KLHL33: variants seen among roughly 807,000 people sequenced by gnomAD.
KLHL33 encodes the protein kelch-like protein 33.
In KLHL33, 46 loss-of-function variants were observed where a neutral mutation model predicts 60.8. That is an observed-to-expected ratio of 0.76 (90% CI 0.60 to 0.97). The LOEUF is 0.97. KLHL33 is among the 50% of genes least tolerant of loss of function. The pLI is 0.00. For synonymous variants in KLHL33, 434 were observed against 432.2 expected, an observed-to-expected ratio of 1.00 and a Z score of -0.05; for missense variants, 1,055 against 1,000.0, an observed-to-expected ratio of 1.05 and a Z score of -0.74.
At chr14:20,431,304 T>C (rs761143607) in intron 2 of KLHL33, among the ~76,000 whole-genome samples, 3 of 152,258 alleles carry the variant, frequency 2.0e-5, no homozygotes, top group Non-Finnish European at 2.9e-5. Context: ...TAAGATTTAG[T>C]GTTTAATGTT....
At position 20,429,225 on chromosome 14, in the gene KLHL33, G is replaced by T; in HGVS notation, c.2018C>A (p.Ala673Asp). The part of the protein sequence containing the change: ...TFLSPMGVPR[A>D]GHVMAALGGR... ...ACCCAATGCAGCCATGACATGGCCA[G>T]CCCGAGGTACCCCCATAGGGCTCAG... Residue 673 changes from alanine to aspartate, a missense_variant, in exon 5 of 5, where the codon GCT (alanine) becomes GAT (aspartate). Coordinates refer to ENST00000636854, the MANE Select transcript of KLHL33 (RefSeq NM_001365790.2). 1 of 1,551,774 alleles carries T rather than the reference G, an allele frequency of 6.4e-7. No homozygotes were observed.
At chr14:20,432,619 A>C (rs1880542509) in intron 2 of KLHL33, among the ~76,000 whole-genome samples, 1 of 152,046 alleles carries the variant, frequency 6.6e-6, no homozygotes, top group Non-Finnish European at 1.5e-5. Flanking sequence ...AATGTGGACT[A>C]GGTGATATTA....
At position 20,429,627 on chromosome 14, in the gene KLHL33, C is replaced by A. The variant is rs912746562; in HGVS notation, c.1716G>T (p.Leu572Phe). The change falls in exon 4 of 5, where the codon TTG (leucine) becomes TTT (phenylalanine). Residue 572 changes from leucine to phenylalanine, a missense_variant. Physicochemically the swap from Leu to Phe is conservative, Grantham distance 22 (BLOSUM62 0). Coordinates refer to ENST00000636854, the MANE Select transcript of KLHL33 (RefSeq NM_001365790.2). ...AGGAGAAAAGGCTTCGAGCCTGGGA[C>A]AAAGGAGCCATCTCCTCCCAGTCCT... ...SQEDWEEMAP[L>F]SQARSLFSLV... The A allele has an allele frequency of 1.3e-6, 2 of 1,551,712 alleles. No individual in the cohort carries two copies. Among genetic ancestry groups the A allele is most frequent in the African/African-American group, 2.7e-5 (2 of 73,016 alleles).
intron 3 of KLHL33, 35 bp downstream of exon 3, chr14:20,429,760 C>G (rs1285348983): frequency 1.3e-6 from 2 of 1,520,442 alleles, no homozygotes; most frequent in African/African-American, 2.8e-5. Context: ...CACCTTAGGG[C>G]CTGCCACACC....
chr14:20,434,110 C>T (rs1029717325), intron 2 of KLHL33, among the ~76,000 whole-genome samples: 3 of 152,162 alleles, frequency 2.0e-5, no homozygotes, highest in Non-Finnish European at 2.9e-5. Context: ...ACCTCACCAG[C>T]TTTCAGTAAA....
Position 20,430,414 on chromosome 14 carries a change from C to T in KLHL33, c.1054G>A (p.Glu352Lys). The change falls in exon 3 of 5, where the codon GAG becomes AAG. Residue 352 changes from glutamate (E) to lysine (K), a missense_variant. Physicochemically the swap from Glu to Lys is moderately conservative, Grantham distance 56 (BLOSUM62 1). Transcript: ENST00000636854. ...TGACGGGCTTTGCTCCAGAGCCTCT[C>T]CAACCCAGGGGCTTCCGCCATGGGG... is the stretch of plus-strand genomic sequence containing the variant. ...LFPMAEAPGL[E>K]RLWSKARHYL... 4 of 1,551,778 alleles carry T rather than the reference C, an allele frequency of 2.6e-6. 1 individual carries two copies. The South Asian group carries it at 4.8e-5, about 18-fold the overall frequency.
rs1330577967 is a variant in KLHL33, at chr14:20,428,446, T to C, written c.*403A>G. 1 of 184,004 alleles carries C rather than the reference T, an allele frequency of 5.4e-6. No homozygotes were observed. Among genetic ancestry groups the C allele is most frequent in the Non-Finnish European group, 1.1e-5 (1 of 87,336 alleles). The allele number at this position is 184,004 out of a possible 1,614,324, so 11.4% of individuals were successfully genotyped here. ...CCTTACTCCTACACTCCTCAAACTC[T>C]TTCATGGATGGCCATTCCACATTTT... On this transcript the variant is annotated 3_prime_UTR_variant, in exon 5 of 5. Transcript: ENST00000636854.
In KLHL33 at chr14:20,428,961, A is replaced by T; in HGVS notation, c.2282T>A (p.Leu761Gln). 1 of 1,551,754 alleles carries T rather than the reference A, an allele frequency of 6.4e-7. No homozygotes were observed. The highest frequency in any genetic ancestry group is 2.4e-5 in the East Asian group (1 of 40,930). ...YCPGLGRWLC[L>Q]GTLPRPRAEM... ...AGCCCGAGGCCTTGGCAGAGTTCCCAGGCAGAGCCATCGGCCCAGGCCAGG... is the reference window on the plus strand; with the variant it reads ...AGCCCGAGGCCTTGGCAGAGTTCCCTGGCAGAGCCATCGGCCCAGGCCAGG... Residue 761 changes from leucine (L) to glutamine (Q), a missense_variant, in exon 5 of 5, where the codon CTG becomes CAG. Leu to Gln is a moderately radical substitution (Grantham distance 113, BLOSUM62 -2). Coordinates refer to ENST00000636854, the MANE Select transcript of KLHL33 (RefSeq NM_001365790.2).
chr14:20,427,568 C>T lies in KLHL33; in HGVS notation c.*1281G>A, dbSNP rs930517663. 14 of 152,226 alleles carry T rather than the reference C, an allele frequency of 9.2e-5. No homozygotes were observed. Among genetic ancestry groups the T allele is most frequent in the East Asian group, 3.9e-4 (2 of 5,192 alleles). 9.4% of individuals were successfully genotyped at this position (152,226 alleles called of 1,614,324 possible). A position where few individuals can be genotyped will look rare whatever the true frequency, so the allele number is the denominator to read the frequency against. The stretch of plus-strand genomic sequence containing the variant: ...AAGATCCAGTTCAAAATACACCCAT[C>T]GGATGACACCTTTCCTAACAGAAGC... On this transcript the variant is annotated 3_prime_UTR_variant, in exon 5 of 5. Transcript: ENST00000636854.
rs1396277649 is a variant in KLHL33 at position 20,429,548 on chromosome 14, C to T, written c.1795G>A (p.Ala599Thr). Residue 599 changes from alanine (A) to threonine (T), a missense_variant, in exon 4 of 5, where the codon GCC becomes ACC. Ala to Thr is a moderately conservative substitution (Grantham distance 58). Transcript: ENST00000636854. The stretch of plus-strand genomic sequence containing the variant: ...TTGTAGGTCTCCACAGAGTCCAGGG[C>T]AACATCATTGTGTCTTCCACCCAGG... ...YALGGRHNDV[A>T]LDSVETYNPE... is the part of the protein sequence containing the mutation. 1.3e-6 allele frequency: 2 copies of T among 1,552,130 alleles called. No homozygotes were observed. The highest frequency in any genetic ancestry group is 1.7e-6 in the Non-Finnish European group (2 of 1,147,126).
In KLHL33 at chr14:20,435,760, GA is replaced by G; in HGVS notation, c.51del (p.His18IlefsTer55). The G allele has an allele frequency of 4.9e-6, 6 of 1,234,380 alleles. No homozygotes were observed. The highest frequency in any genetic ancestry group is 6.1e-6 in the Non-Finnish European group (6 of 988,172). The allele number at this position is 1,234,380 out of a possible 1,614,324, so 76.5% of individuals were successfully genotyped here. A position where few individuals can be genotyped will look rare whatever the true frequency, so the allele number is the denominator to read the frequency against. On this transcript the variant is annotated frameshift_variant, in exon 2 of 5. Transcript: ENST00000636854. LOFTEE classifies it high-confidence loss of function. ...PHYPPELESVSHPVQRDCLGL... is the reference protein window; with the variant it reads ...PHYPPELESVXHPVQRDCLGL... ...CCAAGGCAGTCCCTCTGGACGGGAT[GA>G]GAGACACTCTCCAGCTCAGGGGGAT...
In KLHL33 at chr14:20,429,569, C is replaced by A. The variant is rs1024320890; in HGVS notation, c.1774G>T (p.Gly592Cys). Residue 592 changes from glycine to cysteine, a missense_variant, in exon 4 of 5, where the codon GGT (glycine) becomes TGT (cysteine). Gly to Cys is a radical substitution (Grantham distance 159). Transcript: ENST00000636854. The stretch of plus-strand genomic sequence containing the variant: ...AGGGCAACATCATTGTGTCTTCCAC[C>A]CAGGGCATAAAGTTTTCCATCCAGT... Reference protein sequence around the residue: ...VALDGKLYALGGRHNDVALDS... With the variant: ...VALDGKLYALCGRHNDVALDS... 24 of 1,552,074 alleles carry A rather than the reference C, an allele frequency of 1.5e-5. No homozygotes were observed. Among genetic ancestry groups the A allele is most frequent in the Non-Finnish European group, 2.1e-5 (24 of 1,147,132 alleles).
chr14:20,426,324 A>C lies in KLHL33; in HGVS notation c.*2525T>G, dbSNP rs7158094. 0.56 allele frequency: 85,459 copies of C among 151,540 alleles called. 24,183 individuals carry two copies. The highest frequency in any genetic ancestry group is 0.67 in the South Asian group (3,186 of 4,778). The allele number at this position is 151,540 out of a possible 1,614,324, so 9.4% of individuals were successfully genotyped here. A position where few individuals can be genotyped will look rare whatever the true frequency, so the allele number is the denominator to read the frequency against. On this transcript the variant is annotated 3_prime_UTR_variant, in exon 5 of 5. Coordinates refer to ENST00000636854, the MANE Select transcript of KLHL33 (RefSeq NM_001365790.2). ...CAAGACCAGCCTGACCAACATGGAG[A>C]AACCCCGTCTCTACTAAAAATACAA... is the stretch of plus-strand genomic sequence containing the variant.
chr14:20,429,182 T>C lies in KLHL33; in HGVS notation c.2061A>G (p.Ala687=), dbSNP rs936450826. 1.3e-6 allele frequency: 2 copies of C among 1,551,628 alleles called. No individual in the cohort carries two copies. The highest frequency in any genetic ancestry group is 8.7e-7 in the Non-Finnish European group (1 of 1,146,956). Reference sequence around the variant, plus strand: ...GGTCCTCAGTCTCACCCAGCCCACCTGCCACATACAACCTCCCACCCAATG... The same window carrying C: ...GGTCCTCAGTCTCACCCAGCCCACCCGCCACATACAACCTCCCACCCAATG... The part of the protein sequence containing the change: ...MAALGGRLYV[A]GGLGETEDLL... Residue 687 remains alanine (A), a synonymous_variant, in exon 5 of 5, where the codon GCA becomes GCG. Coordinates refer to ENST00000636854, the MANE Select transcript of KLHL33 (RefSeq NM_001365790.2).
In KLHL33 at chr14:20,429,589, T is replaced by C. The variant is rs1280612092; in HGVS notation, c.1754A>G (p.Asp585Gly). ...TCCACCCAGGGCATAAAGTTTTCCA[T>C]CCAGTGCCACCAAGGAGAAAAGGCT... Reference protein sequence around the residue: ...ARSLFSLVALDGKLYALGGRH... With the variant: ...ARSLFSLVALGGKLYALGGRH... Residue 585 changes from aspartate to glycine, a missense_variant, in exon 4 of 5, where the codon GAT becomes GGT. By Grantham distance (94) the Asp-to-Gly change is moderately conservative. Coordinates refer to ENST00000636854, the MANE Select transcript of KLHL33 (RefSeq NM_001365790.2). 2 of 1,552,052 alleles carry C rather than the reference T, an allele frequency of 1.3e-6. No individual in the cohort carries two copies. Among genetic ancestry groups the C allele is most frequent in the Admixed American group, 2.0e-5 (1 of 50,996 alleles).
In KLHL33 at chr14:20,430,594, C is replaced by A; in HGVS notation, c.874G>T (p.Val292Phe). The change falls in exon 3 of 5, where the codon GTC becomes TTC. Residue 292 changes from valine (V) to phenylalanine (F), a missense_variant. Physicochemically the swap from Val to Phe is conservative, Grantham distance 50. Transcript: ENST00000636854. ...TISTQDLRLLVSFAYSGVVRA... is the reference protein window; with the variant it reads ...TISTQDLRLLFSFAYSGVVRA... ...ACAACTCCGGAGTAAGCAAAAGAGA[C>A]GAGGAGTCGCAGGTCCTGGGTGGAG... The A allele has an allele frequency of 1.3e-6, 2 of 1,537,316 alleles. No homozygotes were observed. The highest frequency in any genetic ancestry group is 1.2e-5 in the South Asian group (1 of 84,042).
rs1880281216 is a variant in KLHL33 at position 20,426,635 on chromosome 14, G to A, written c.*2214C>T. 1 of 151,902 alleles carries A rather than the reference G, an allele frequency of 6.6e-6. No individual in the cohort carries two copies. Among genetic ancestry groups the A allele is most frequent in the Non-Finnish European group, 1.5e-5 (1 of 67,924 alleles). The allele number at this position is 151,902 out of a possible 1,614,324, so 9.4% of individuals were successfully genotyped here. A position where few individuals can be genotyped will look rare whatever the true frequency, so the allele number is the denominator to read the frequency against. On this transcript the variant is annotated 3_prime_UTR_variant, in exon 5 of 5. Coordinates refer to ENST00000636854, the MANE Select transcript of KLHL33 (RefSeq NM_001365790.2). ...GGAAGTCAGTGTGGCGATTCCTCAGGGACCTAGAACTAGAAATACCATTTG... is the reference window on the plus strand; with the variant it reads ...GGAAGTCAGTGTGGCGATTCCTCAGAGACCTAGAACTAGAAATACCATTTG...
At position 20,428,912 on chromosome 14, in the gene KLHL33, T is replaced by C. The variant is rs749875455; in HGVS notation, c.2331A>G (p.Thr777=). The C allele has an allele frequency of 1.3e-6, 2 of 1,551,756 alleles. No individual in the cohort carries two copies. The highest frequency in any genetic ancestry group is 2.4e-5 in the East Asian group (1 of 40,922). The change falls in exon 5 of 5, where the codon ACA becomes ACG. Residue 777 remains threonine, a synonymous_variant. Transcript: ENST00000636854. ...PRAEMPACIL[T]LPAVQHIALV... ...AAGCTATGTGCTGCACAGCGGGCAGTGTCAGGATGCAGGCAGGCATCTCAG... is the reference window on the plus strand; with the variant it reads ...AAGCTATGTGCTGCACAGCGGGCAGCGTCAGGATGCAGGCAGGCATCTCAG...
At position 20,429,517 on chromosome 14, in the gene KLHL33, T is replaced by C. The variant is rs1953225; in HGVS notation, c.1826A>G (p.Glu609Gly). ...GCCTGCTTACCTCCAGACATTGAGC[T>C]CAGGGTTGTAGGTCTCCACAGAGTC... ...ALDSVETYNPELNVWRPAPAL... is the reference protein window; with the variant it reads ...ALDSVETYNPGLNVWRPAPAL... Residue 609 changes from glutamate to glycine, a missense_variant, in exon 4 of 5, where the codon GAG becomes GGG. Physicochemically the swap from Glu to Gly is moderately conservative, Grantham distance 98. Transcript: ENST00000636854. 0.19 allele frequency: 289,003 copies of C among 1,551,832 alleles called. 28,317 individuals are homozygous for C. The highest frequency in any genetic ancestry group is 0.35 in the African/African-American group (25,202 of 72,986).
Sources: gnomAD v4.1 joint callset for allele counts (sites outside exome capture counted in the v4.1 genomes callset) on GRCh38, gnomAD v4.1.1 for gene constraint, MANE v1.5 for transcripts, NCBI Gene and HGNC (gene_info 2026-07-23, HGNC 2026-07-21) for gene names.